The following ETFA variants were observed in gnomAD, a reference collection of about 807,000 sequenced individuals.
The protein encoded by ETFA is electron transfer flavoprotein subunit alpha, also known as electron transfer flavoprotein subunit alpha, mitochondrial.
A neutral mutation model predicts 46.2 loss-of-function variants in ETFA; 22 were observed. The observed-to-expected ratio is 0.48, with a 90% CI of 0.34 to 0.68. The LOEUF (loss-of-function observed/expected upper bound fraction) is 0.68. Among genes scored for constraint, ETFA ranks in the 30% least tolerant of loss-of-function variants. ETFA has a pLI of 0.01. For missense variants in ETFA, 345 were observed against 401.1 expected (o/e 0.86, Z 1.19); for synonymous variants, 131 against 139.9 (o/e 0.94, Z 0.45).
chr15:76,238,352 T>C (rs567658103), intron 9 of ETFA, among the ~76,000 whole-genome samples: 2 of 152,326 alleles, frequency 1.3e-5, no homozygotes, highest in Admixed American at 1.3e-4. Context: ...AAGTGTTCCT[T>C]TCTAGATAGA....
At chr15:76,295,936 CTTTTTTTTTTTTT>C (rs1157687784) in intron 1 of ETFA, among the ~76,000 whole-genome samples, 199 bp from the exon 2 acceptor site, 2 of 46,602 alleles carry the variant, frequency 4.3e-5, no homozygotes, top group Non-Finnish European at 8.5e-5. Context: ...CACTAATATT[CTTTTTTTTTTTTT>C]TTTTTTTTTT....
intron 4 of ETFA, 107 bp downstream of exon 4, chr15:76,292,324 G>A: frequency 1.2e-6 from 1 of 828,048 alleles, no homozygotes; most frequent in South Asian, 1.4e-5. Flanking sequence ...CATCAATTCA[G>A]ATAAATCCAG....
intron 11 of ETFA, chr15:76,217,627 G>A (rs1208775206): frequency 2.4e-5 from 11 of 455,832 alleles, no homozygotes; most frequent in Non-Finnish European, 4.4e-5. Flanking sequence ...GGAGCTTCCA[G>A]TGTAGAGCTG....
At position 76,252,828 on chromosome 15, in the gene ETFA, AG is replaced by A. The variant is rs568211909; in HGVS notation, c.817-21431del. ...TACATACTGAGGTCTTTAGGGGTAA[AG>A]GGCTATAAATGTTACTATCAACTAG... is the stretch of plus-strand genomic sequence containing the variant. On this transcript the variant is annotated intron_variant, in intron 9 of 11. Coordinates refer to ENST00000557943, the MANE Select transcript of ETFA (RefSeq NM_000126.4). Among the ~76,000 whole-genome samples the A allele has an allele frequency of 4.2e-4, 64 of 151,970 alleles. 1 individual carries two copies. In the South Asian group the frequency reaches 7.1e-3, roughly 17 times the overall value.
At chr15:76,296,099 C>G (rs1367503507) in intron 1 of ETFA, among the ~76,000 whole-genome samples, 1 of 151,680 alleles carries the variant, frequency 6.6e-6, no homozygotes, top group African/African-American at 2.4e-5. Context: ...GCGCCCACCA[C>G]CATGTCGGCT....
chr15:76,286,535 C>T, intron 5 of ETFA, 54 bp from the exon 6 acceptor site: 1 of 1,076,690 alleles, frequency 9.3e-7, no homozygotes. Flanking sequence ...ACAAAACTAG[C>T]ACTCCTTTGA....
chr15:76,254,622 T>C (rs1317568334), intron 9 of ETFA, among the ~76,000 whole-genome samples: 1 of 152,176 alleles, frequency 6.6e-6, no homozygotes, highest in Non-Finnish European at 1.5e-5. Flanking sequence ...AATACTAAGA[T>C]GTTATTTACC....
intron 9 of ETFA, among the ~76,000 whole-genome samples, chr15:76,265,113 G>A (rs1420331332): frequency 1.3e-5 from 2 of 152,214 alleles, no homozygotes; most frequent in African/African-American, 4.8e-5. Context: ...GACCTCTGCA[G>A]CACAATTCCT....
chr15:76,238,209 T>G (rs1240012706), intron 9 of ETFA, among the ~76,000 whole-genome samples: 2 of 152,148 alleles, frequency 1.3e-5, no homozygotes, highest in Non-Finnish European at 2.9e-5. Context: ...ATGGAGAGAT[T>G]TAAATGTTTA....
At position 76,285,748 on chromosome 15, in the gene ETFA, T is replaced by C; in HGVS notation, c.563-10A>G. On this transcript the variant is annotated splice_polypyrimidine_tract_variant and intron_variant, in intron 6 of 11. Coordinates refer to ENST00000557943, the MANE Select transcript of ETFA (RefSeq NM_000126.4). ...GGTGAAGTACTTGATGCTGCATACA[T>C]TAATACATAATAAAACAATGACTAT... 7.0e-7 allele frequency: 1 copy of C among 1,435,918 alleles called. No homozygotes were observed. The highest frequency in any genetic ancestry group is 1.7e-5 in the Admixed American group (1 of 59,778). 88.9% of individuals were successfully genotyped at this position (1,435,918 alleles called of 1,614,324 possible). A position where few individuals can be genotyped will look rare whatever the true frequency, so the allele number is the denominator to read the frequency against.
Position 76,295,676 on chromosome 15 carries a change from G to A in ETFA, c.101C>T (p.Ala34Val), listed in dbSNP as rs2039810717. The change falls in exon 2 of 12, where the codon GCA (alanine) becomes GTA (valine). Residue 34 changes from alanine (A) to valine (V), a missense_variant. Physicochemically the swap from Ala to Val is moderately conservative, Grantham distance 64. Transcript: ENST00000557943. ...VIAEHANDSL[A>V]PITLNTITAA... ...AGTAATGGTATTTAAAGTAATGGGT[G>A]CTAGGGAATCATTTGCATGCTCAGC... 1 of 1,612,808 alleles carries A rather than the reference G, an allele frequency of 6.2e-7. No individual in the cohort carries two copies. The highest frequency in any genetic ancestry group is 1.3e-5 in the African/African-American group (1 of 74,724).
At chr15:76,308,497 A>AGAG (rs1409220955) in intron 1 of ETFA, among the ~76,000 whole-genome samples, 1 of 152,258 alleles carries the variant, frequency 6.6e-6, no homozygotes, top group African/African-American at 2.4e-5. Flanking sequence ...ATTCCCACCA[A>AGAG]GAATACATGA....
chr15:76,311,442 C>A lies in ETFA; in HGVS notation c.-54G>T, dbSNP rs897850902. The A allele has an allele frequency of 1.9e-6, 3 of 1,541,510 alleles. No individual in the cohort carries two copies. The highest frequency in any genetic ancestry group is 8.7e-7 in the Non-Finnish European group (1 of 1,144,678). Reference sequence around the variant, plus strand: ...TTACAGCAGCCCCGTGCCCGGCCAACTGGCGCCGCCTCAGCCAGTCACCTA... The same window carrying A: ...TTACAGCAGCCCCGTGCCCGGCCAAATGGCGCCGCCTCAGCCAGTCACCTA... On this transcript the variant is annotated 5_prime_UTR_variant, in exon 1 of 12. Coordinates refer to ENST00000557943, the MANE Select transcript of ETFA (RefSeq NM_000126.4).
intron 10 of ETFA, chr15:76,231,026 G>C: frequency 3.3e-6 from 1 of 301,498 alleles, no homozygotes; most frequent in Non-Finnish European, 6.2e-6. Context: ...GGGCAACTTA[G>C]TGATCATCAT....
At chr15:76,234,897 A>G (rs2039108362) in intron 9 of ETFA, among the ~76,000 whole-genome samples, 1 of 152,178 alleles carries the variant, frequency 6.6e-6, no homozygotes, top group Admixed American at 6.5e-5. Flanking sequence ...CATTCAAAGA[A>G]CTCAGGGGCT....
At chr15:76,241,526 CGCAGTG>C (rs1567200624) in intron 9 of ETFA, among the ~76,000 whole-genome samples, 2 of 150,620 alleles carry the variant, frequency 1.3e-5, no homozygotes, top group Admixed American at 1.3e-4. Context: ...TTTGGCTGGG[CGCAGTG>C]GCTCACACTT....
intron 9 of ETFA, among the ~76,000 whole-genome samples, chr15:76,255,227 C>T (rs2039336664): frequency 6.6e-6 from 1 of 152,122 alleles, no homozygotes; most frequent in Non-Finnish European, 1.5e-5. Context: ...TTTACAGATG[C>T]TAATAATTTA....
chr15:76,230,346 C>T (rs1596190698), intron 10 of ETFA: 1 of 69,394 alleles, frequency 1.4e-5, no homozygotes, highest in Non-Finnish European at 3.0e-5. Context: ...CCTGCCTCAG[C>T]CTCCCGAGTA....
chr15:76,244,925 T>C (rs745555188), intron 9 of ETFA, among the ~76,000 whole-genome samples: 3 of 152,178 alleles, frequency 2.0e-5, no homozygotes, highest in Non-Finnish European at 2.9e-5. Flanking sequence ...CTTTATATAA[T>C]AAAATGATAA....
Sources: allele counts gnomAD v4.1 joint callset (sites outside exome capture counted in the v4.1 genomes callset), GRCh38; gene constraint gnomAD v4.1.1; transcripts MANE v1.5; gene names NCBI Gene and HGNC (gene_info 2026-07-23, HGNC 2026-07-21).